SCNN1G: variants seen among roughly 807,000 people sequenced by gnomAD.
SCNN1G encodes sodium channel epithelial 1 subunit gamma.
Under a neutral mutation model 64.6 loss-of-function variants are expected in SCNN1G, and 27 were observed. The observed-to-expected ratio is 0.42, with a 90% CI of 0.31 to 0.58. The LOEUF (loss-of-function observed/expected upper bound fraction) is 0.58. Among genes scored for constraint, SCNN1G ranks in the 20% least tolerant of loss-of-function variants. SCNN1G has a pLI of 0.18. For missense variants in SCNN1G, 743 were observed against 823.4 expected (o/e 0.90, Z 1.19); for synonymous variants, 330 against 314.2 (o/e 1.05, Z -0.53).
chr16:23,202,087 G>A lies in SCNN1G; in HGVS notation c.1077+4660G>A, dbSNP rs138383025. Reference sequence around the variant, plus strand: ...CCATCTTGGCTTCCCAAAGTGCTGGGATTATAGATGTGAGCCACCACACCT... The same window carrying A: ...CCATCTTGGCTTCCCAAAGTGCTGGAATTATAGATGTGAGCCACCACACCT... On this transcript the variant is annotated intron_variant, in intron 6 of 12. Transcript: ENST00000300061. Among the ~76,000 whole-genome samples the A allele has an allele frequency of 8.8e-3, 1,343 of 152,264 alleles. 23 individuals carry two copies. Among genetic ancestry groups the A allele is most frequent in the African/African-American group, 0.03 (1,262 of 41,544 alleles).
intron 6 of SCNN1G, among the ~76,000 whole-genome samples, chr16:23,207,240 T>G (rs1382987235): frequency 2.0e-5 from 3 of 152,190 alleles, no homozygotes; most frequent in Non-Finnish European, 4.4e-5. Flanking sequence ...TGCACTCGGC[T>G]TGCCTAAGTG....
In SCNN1G at chr16:23,215,524, T is replaced by C. The variant is rs1960147626; in HGVS notation, c.*55T>C. On this transcript the variant is annotated 3_prime_UTR_variant, in exon 13 of 13. Coordinates refer to ENST00000300061, the MANE Select transcript of SCNN1G (RefSeq NM_001039.4). ...GACCACCAGCCATGGTCTAAGGACA[T>C]GGATCGGGTGCCCCCAGACGTGTGC... is the stretch of plus-strand genomic sequence containing the variant. The C allele has an allele frequency of 5.6e-6, 9 of 1,594,622 alleles. No individual in the cohort carries two copies. In the South Asian group the frequency reaches 7.7e-5, roughly 14 times the overall value.
intron 6 of SCNN1G, among the ~76,000 whole-genome samples, chr16:23,205,117 G>T (rs562832524): frequency 6.6e-6 from 1 of 152,222 alleles, no homozygotes; most frequent in South Asian, 2.1e-4. Context: ...CTGGTCTATT[G>T]TTGTTATTGT....
At chr16:23,199,375 A>G (rs1389168095) in intron 6 of SCNN1G, among the ~76,000 whole-genome samples, 1 of 152,200 alleles carries the variant, frequency 6.6e-6, no homozygotes, top group African/African-American at 2.4e-5. Context: ...ATTGATAGAC[A>G]TTAGGTCATT....
chr16:23,190,760 A>G (rs761434956), intron 3 of SCNN1G, among the ~76,000 whole-genome samples: 39 of 147,506 alleles, frequency 2.6e-4, no homozygotes, highest in Non-Finnish European at 4.9e-4. Context: ...AAACATCAAT[A>G]TTCGTGCAGT....
At chr16:23,211,414 A>G (rs1353047921) in intron 7 of SCNN1G, among the ~76,000 whole-genome samples, 3 of 152,228 alleles carry the variant, frequency 2.0e-5, no homozygotes, top group Non-Finnish European at 2.9e-5. Context: ...CAACTCCTCT[A>G]ATTTTCCCAC....
intron 4 of SCNN1G, among the ~76,000 whole-genome samples, chr16:23,193,596 C>T (rs1386770997): frequency 6.6e-6 from 1 of 152,126 alleles, no homozygotes; most frequent in Non-Finnish European, 1.5e-5. Context: ...CTGCAGTGAG[C>T]CATAATTGCG....
In SCNN1G at chr16:23,209,710, G is replaced by A. The variant is rs535790581; in HGVS notation, c.1078-40G>A. On this transcript the variant is annotated intron_variant, in intron 6 of 12. Coordinates refer to ENST00000300061, the MANE Select transcript of SCNN1G (RefSeq NM_001039.4). ...CTTGCAAAGCCCCCGCCTGGGTCCG[G>A]GGGGAGGACAGGGCTGAGTGTGTGC... 6.7e-6 allele frequency: 10 copies of A among 1,499,872 alleles called. No individual in the cohort carries two copies. The South Asian group carries it at 1.1e-4, about 17-fold the overall frequency. 92.9% of individuals were successfully genotyped at this position (1,499,872 alleles called of 1,614,324 possible).
chr16:23,213,522 G>A (rs1960115665), intron 11 of SCNN1G, among the ~76,000 whole-genome samples: 2 of 152,164 alleles, frequency 1.3e-5, no homozygotes, highest in Non-Finnish European at 2.9e-5. Context: ...AAAGTGCTGG[G>A]ATTATAGGCG....
At chr16:23,194,314 A>G (rs375626880) in intron 5 of SCNN1G, 40 bp downstream of exon 5, 79 of 1,332,234 alleles carry the variant, frequency 5.9e-5, no homozygotes, top group East Asian at 9.2e-5. Flanking sequence ...AGGCCCTCCA[A>G]TAGTGGACAT....
chr16:23,215,458 G>T lies in SCNN1G; in HGVS notation c.1939G>T (p.Asp647Tyr), dbSNP rs72647543. 652 of 1,610,126 alleles carry T rather than the reference G, an allele frequency of 4.0e-4. 2 individuals are homozygous for T. The highest frequency in any genetic ancestry group is 1.8e-3 in the South Asian group (168 of 91,090). Residue 647 changes from aspartate (D) to tyrosine (Y), a missense_variant, in exon 13 of 13, where the codon GAT (aspartate) becomes TAT (tyrosine). Coordinates refer to ENST00000300061, the MANE Select transcript of SCNN1G (RefSeq NM_001039.4). ...SNQLTDTQMLDEL is the reference protein window; with the variant it reads ...SNQLTDTQMLYEL ...CCAGCTCACAGATACCCAGATGCTG[G>T]ATGAGCTCTGAGGCAGGGTTGAGAA... is the stretch of plus-strand genomic sequence containing the variant.
In SCNN1G at chr16:23,216,436, CT is replaced by C. The variant is rs1317210194; in HGVS notation, c.*969del. On this transcript the variant is annotated 3_prime_UTR_variant, in exon 13 of 13. Coordinates refer to ENST00000300061, the MANE Select transcript of SCNN1G (RefSeq NM_001039.4). ...CAAGCCAACTGCCACAGATGACCCA[CT>C]TCATACCACATTCACATCTTTCCAC... 6 of 152,228 alleles carry C rather than the reference CT, an allele frequency of 3.9e-5. No homozygotes were observed. The highest frequency in any genetic ancestry group is 1.4e-4 in the African/African-American group (6 of 41,418). 9.4% of individuals were successfully genotyped at this position (152,228 alleles called of 1,614,324 possible). A position where few individuals can be genotyped will look rare whatever the true frequency, so the allele number is the denominator to read the frequency against.
In SCNN1G at chr16:23,215,306, T is replaced by C; in HGVS notation, c.1787T>C (p.Leu596Pro). The change falls in exon 13 of 13, where the codon CTG becomes CCG. Residue 596 changes from leucine (L) to proline (P), a missense_variant. Physicochemically the swap from Leu to Pro is moderately conservative, Grantham distance 98. Coordinates refer to ENST00000300061, the MANE Select transcript of SCNN1G (RefSeq NM_001039.4). ...RSPQGQDNPA[L>P]DIDDDLPTFN... is the part of the protein sequence containing the mutation. The stretch of plus-strand genomic sequence containing the variant: ...CCACAGGGCCAGGACAATCCAGCCC[T>C]GGATATAGACGATGACCTACCCACT... 1.9e-6 allele frequency: 3 copies of C among 1,614,182 alleles called. No individual in the cohort carries two copies. The highest frequency in any genetic ancestry group is 2.2e-5 in the South Asian group (2 of 91,084).
intron 1 of SCNN1G, among the ~76,000 whole-genome samples, chr16:23,185,859 G>C (rs768994794): frequency 1.4e-4 from 21 of 152,146 alleles, no homozygotes; most frequent in Non-Finnish European, 2.8e-4. Context: ...GATAAGGCAC[G>C]GGTACCCCTG....
intron 6 of SCNN1G, among the ~76,000 whole-genome samples, chr16:23,206,433 C>T (rs908857899): frequency 1.3e-5 from 2 of 152,168 alleles, no homozygotes; most frequent in Admixed American, 6.5e-5. Flanking sequence ...CTGGGCTTTC[C>T]CCCTTAGCAC....
chr16:23,184,323 C>T (rs1959570234), intron 1 of SCNN1G, among the ~76,000 whole-genome samples: 1 of 152,128 alleles, frequency 6.6e-6, no homozygotes, highest in East Asian at 1.9e-4. Flanking sequence ...TTCTGTTGAA[C>T]ATTCACAGAG....
intron 4 of SCNN1G, among the ~76,000 whole-genome samples, chr16:23,192,893 A>G (rs1567263785): frequency 3.3e-5 from 5 of 151,436 alleles, no homozygotes. Context: ...ACATAGCGAG[A>G]CCCCGTCTCT....
intron 4 of SCNN1G, 108 bp downstream of exon 4, chr16:23,192,650 G>T: frequency 2.2e-6 from 2 of 895,960 alleles, no homozygotes; most frequent in Non-Finnish European, 3.6e-6. Context: ...AGCAAAAGGT[G>T]CTCTTCTCAC....
chr16:23,187,044 C>T (rs911747354), intron 2 of SCNN1G, among the ~76,000 whole-genome samples: 10 of 151,854 alleles, frequency 6.6e-5, no homozygotes, highest in Non-Finnish European at 1.5e-4. Context: ...TCAGGTGATC[C>T]ACCCGCCTTG....
Sources: allele counts gnomAD v4.1 joint callset (sites outside exome capture counted in the v4.1 genomes callset), GRCh38; gene constraint gnomAD v4.1.1; transcripts MANE v1.5; gene names NCBI Gene and HGNC (gene_info 2026-07-23, HGNC 2026-07-21).